Variants in EHBP1 observed in about 807,000 individuals in gnomAD.
The protein encoded by EHBP1 is EH domain binding protein 1.
In EHBP1, 55 loss-of-function variants were observed where a neutral mutation model predicts 144.0. The observed-to-expected ratio is 0.38, with a 90% confidence interval of 0.31 to 0.48. The LOEUF is 0.48. Among genes scored for constraint, EHBP1 ranks in the 20% least tolerant of loss-of-function variants. The pLI is 0.98. For missense variants in EHBP1, 1,200 were observed against 1,364.2 expected, an observed-to-expected ratio of 0.88 and a Z score of 1.90; for synonymous variants, 469 against 472.7, an observed-to-expected ratio of 0.99 and a Z score of 0.10.
intron 1 of EHBP1, among the ~76,000 whole-genome samples, chr2:62,695,811 C>A (rs1023724292): frequency 1.3e-5 from 2 of 152,142 alleles, no homozygotes; most frequent in African/African-American, 4.8e-5. Flanking sequence ...CTCCCAGGCT[C>A]GAGTGATTCT....
At chr2:62,993,760 CA>C in intron 17 of EHBP1, 92 bp downstream of exon 17, 4 of 682,028 alleles carry the variant, frequency 5.9e-6, no homozygotes, top group African/African-American at 1.9e-5. Context: ...ATATATATAG[CA>C]TATATATATA....
chr2:62,965,751 C>T (rs2058217213), intron 14 of EHBP1, among the ~76,000 whole-genome samples: 1 of 152,162 alleles, frequency 6.6e-6, no homozygotes, highest in Non-Finnish European at 1.5e-5. Flanking sequence ...TGTGAGACAG[C>T]TCCTTCAGTT....
chr2:62,951,107 A>G (rs997751112), intron 13 of EHBP1, among the ~76,000 whole-genome samples: 1 of 152,286 alleles, frequency 6.6e-6, no homozygotes, highest in South Asian at 2.1e-4. Flanking sequence ...AGATTTTTAG[A>G]CAGTAATCTG....
At chr2:62,810,996 A>G (rs929754140) in intron 5 of EHBP1, among the ~76,000 whole-genome samples, 4 of 152,200 alleles carry the variant, frequency 2.6e-5, no homozygotes, top group African/African-American at 9.6e-5. Flanking sequence ...CCTTTCACCT[A>G]AACACTTTAA....
chr2:62,907,855 C>A (rs1427607643), intron 10 of EHBP1, among the ~76,000 whole-genome samples: 1 of 152,132 alleles, frequency 6.6e-6, no homozygotes, highest in Non-Finnish European at 1.5e-5. Flanking sequence ...TTTGCTATTG[C>A]ATTATTATTG....
At chr2:62,876,687 G>T (rs994119639) in intron 10 of EHBP1, among the ~76,000 whole-genome samples, 1 of 152,142 alleles carries the variant, frequency 6.6e-6, no homozygotes, top group Non-Finnish European at 1.5e-5. Context: ...TTAAAATCAT[G>T]GCAGAAGGCA....
In EHBP1 at chr2:62,861,590, A is replaced by G. The variant is rs192213645; in HGVS notation, c.757+2299A>G. ...GAAACCCGTCTCTACTTAACATACA[A>G]AAGTTAGCCCAGTGTGGGGCACACA... On this transcript the variant is annotated intron_variant, in intron 8 of 22. Transcript: ENST00000431489. Among the ~76,000 whole-genome samples the G allele has an allele frequency of 2.5e-3, 378 of 151,928 alleles. 2 individuals carry two copies. Among genetic ancestry groups the G allele is most frequent in the African/African-American group, 8.3e-3 (345 of 41,490 alleles).
chr2:62,967,497 C>G (rs777201401), intron 14 of EHBP1, among the ~76,000 whole-genome samples: 21 of 152,130 alleles, frequency 1.4e-4, no homozygotes, highest in Non-Finnish European at 1.9e-4. Flanking sequence ...TTGGTATTTT[C>G]CATTAAAAAC....
At position 62,979,179 on chromosome 2, in the gene EHBP1, A is replaced by G. The variant is rs763769525; in HGVS notation, c.2461-9A>G. The G allele has an allele frequency of 9.3e-6, 15 of 1,609,980 alleles. No individual in the cohort carries two copies. The highest frequency in any genetic ancestry group is 1.2e-5 in the Non-Finnish European group (14 of 1,178,012). ...ATTACTGAGTTGGCAACTGTTCAAT[A>G]TATCTTAGCAGCAAGATGAAGAGCG... On this transcript the variant is annotated splice_polypyrimidine_tract_variant and intron_variant, in intron 14 of 22. Transcript: ENST00000431489.
chr2:62,959,224 C>CAG, intron 14 of EHBP1, among the ~76,000 whole-genome samples: 1 of 152,152 alleles, frequency 6.6e-6, no homozygotes, highest in Non-Finnish European at 1.5e-5. Flanking sequence ...TTTTTTAAAG[C>CAG]TGAATGGTAT....
At chr2:62,911,140 A>G (rs951112442) in intron 10 of EHBP1, among the ~76,000 whole-genome samples, 3 of 152,178 alleles carry the variant, frequency 2.0e-5, no homozygotes, top group African/African-American at 7.2e-5. Context: ...AGTGAGTTGC[A>G]TATTCTGCCT....
At chr2:62,777,762 G>T (rs1010561619) in intron 5 of EHBP1, among the ~76,000 whole-genome samples, 1 of 152,116 alleles carries the variant, frequency 6.6e-6, no homozygotes, top group African/African-American at 2.4e-5. Context: ...AAAAATGTTC[G>T]TAGGGTACTA....
At chr2:62,764,555 C>T (rs2041024485) in intron 4 of EHBP1, among the ~76,000 whole-genome samples, 194 bp downstream of exon 4, 1 of 152,046 alleles carries the variant, frequency 6.6e-6, no homozygotes, top group Admixed American at 6.6e-5. Context: ...CGGGGATCTT[C>T]TTGAACTTAT....
intron 2 of EHBP1, among the ~76,000 whole-genome samples, chr2:62,725,023 C>T (rs757190348): frequency 6.6e-6 from 1 of 152,164 alleles, no homozygotes; most frequent in Non-Finnish European, 1.5e-5. Context: ...GTGGATTCAG[C>T]CAACTGACTT....
At chr2:62,996,578 T>C in intron 18 of EHBP1, 65 bp from the exon 19 acceptor site, 1 of 1,605,606 alleles carries the variant, frequency 6.2e-7, no homozygotes, top group Non-Finnish European at 8.5e-7. Flanking sequence ...ACTAAGTGTT[T>C]GTAGAAAGGA....
rs1201527083 is a variant in EHBP1 at position 63,033,201 on chromosome 2, A to G, written c.3104-4334A>G. Among the ~76,000 whole-genome samples the G allele has an allele frequency of 2.0e-5, 3 of 152,334 alleles. No homozygotes were observed. The East Asian group carries it at 5.8e-4, about 29-fold the overall frequency. On this transcript the variant is annotated intron_variant, in intron 19 of 22. Transcript: ENST00000431489. ...CGTCCATTAAATACCAGTTACTTGG[A>G]TACCTTCATGTATCATATGTCTTTT...
intron 16 of EHBP1, among the ~76,000 whole-genome samples, chr2:62,992,144 G>T (rs984127425): frequency 1.3e-5 from 2 of 152,052 alleles, no homozygotes; most frequent in African/African-American, 4.8e-5. Context: ...CTGGCTAATC[G>T]CACTGATATT....
At chr2:62,997,593 T>C (rs1329334578) in intron 19 of EHBP1, among the ~76,000 whole-genome samples, 1 of 152,132 alleles carries the variant, frequency 6.6e-6, no homozygotes, top group Non-Finnish European at 1.5e-5. Flanking sequence ...TTTATTCCTG[T>C]AATCTAATTA....
chr2:62,914,048 A>G (rs371357092), intron 10 of EHBP1, among the ~76,000 whole-genome samples: 1 of 152,176 alleles, frequency 6.6e-6, no homozygotes, highest in Non-Finnish European at 1.5e-5. Flanking sequence ...TCCTAGAAAG[A>G]GAGTGTCAAA....
Sources: allele counts gnomAD v4.1 joint callset (sites outside exome capture counted in the v4.1 genomes callset), GRCh38; gene constraint gnomAD v4.1.1; transcripts MANE v1.5; gene names NCBI Gene and HGNC (gene_info 2026-07-23, HGNC 2026-07-21).